DIP2C: variants seen among roughly 807,000 people sequenced by gnomAD.
DIP2C encodes the protein disco-interacting protein 2 homolog C.
A neutral mutation model predicts 192.4 loss-of-function variants in DIP2C; 33 were observed. The ratio of observed to expected loss-of-function variants is 0.17; its 90% CI spans 0.13 to 0.23. The LOEUF (loss-of-function observed/expected upper bound fraction) is 0.23, where lower values mean the gene tolerates loss of function less well. Ranked by LOEUF, DIP2C falls within the 10% of genes least tolerant of loss-of-function variation. The pLI is 1.00. For missense variants in DIP2C, 1,537 were observed against 2,110.1 expected, an observed-to-expected ratio of 0.73 and a Z score of 5.32; for synonymous variants, 979 against 864.1, an observed-to-expected ratio of 1.13 and a Z score of -2.33.
At chr10:444,617 TGAG>T (rs1968010832) in intron 3 of DIP2C, among the ~76,000 whole-genome samples, 1 of 152,150 alleles carries the variant, frequency 6.6e-6, no homozygotes, top group African/African-American at 2.4e-5. Flanking sequence ...TGTTCATTCA[TGAG>T]GAGTGTTCCT....
At chr10:444,868 T>C (rs1003939787) in intron 3 of DIP2C, among the ~76,000 whole-genome samples, 1 of 152,284 alleles carries the variant, frequency 6.6e-6, no homozygotes, top group African/African-American at 2.4e-5. Flanking sequence ...TTTTTGGCTA[T>C]GAGAATTTAC....
chr10:396,543 AATC>A (rs1281535453), intron 10 of DIP2C, among the ~76,000 whole-genome samples: 2 of 152,200 alleles, frequency 1.3e-5, no homozygotes, highest in Admixed American at 6.5e-5. Flanking sequence ...AGTTCCTGCA[AATC>A]ATCATTTCAC....
chr10:531,186 CACTG>C (rs2130859391), intron 1 of DIP2C, among the ~76,000 whole-genome samples: 1 of 152,252 alleles, frequency 6.6e-6, no homozygotes, highest in East Asian at 1.9e-4. Context: ...CAGGTTAACT[CACTG>C]CGTGTGTGCT....
intron 31 of DIP2C, among the ~76,000 whole-genome samples, chr10:320,008 G>A (rs1405420565): frequency 2.0e-5 from 3 of 152,178 alleles, no homozygotes; most frequent in Admixed American, 6.5e-5. Context: ...GCAAGCCCCA[G>A]ACTTCCTATT....
chr10:352,540 C>G (rs534633214), intron 24 of DIP2C, among the ~76,000 whole-genome samples: 2 of 152,218 alleles, frequency 1.3e-5, no homozygotes, highest in Non-Finnish European at 2.9e-5. Flanking sequence ...TGAGATAGTG[C>G]TGTGCTGGAG....
At chr10:606,647 GC>G (rs1474808179) in intron 1 of DIP2C, among the ~76,000 whole-genome samples, 5 of 152,222 alleles carry the variant, frequency 3.3e-5, no homozygotes, top group African/African-American at 9.6e-5. Context: ...TGGCCCCACT[GC>G]TGTAATTACG....
chr10:514,527 G>A (rs1197940849), intron 1 of DIP2C, among the ~76,000 whole-genome samples: 2 of 152,172 alleles, frequency 1.3e-5, no homozygotes, highest in Non-Finnish European at 2.9e-5. Context: ...GGCTGTCTGT[G>A]GGCCTCACCG....
chr10:547,419 T>C (rs140204494), intron 1 of DIP2C, among the ~76,000 whole-genome samples: 378 of 151,898 alleles, frequency 2.5e-3, no homozygotes, highest in Non-Finnish European at 3.7e-3. Flanking sequence ...ACCCAGCAAA[T>C]ACTCAGGGCT....
chr10:278,073 G>A (rs935115236), intron 36 of DIP2C, among the ~76,000 whole-genome samples: 1 of 151,312 alleles, frequency 6.6e-6, no homozygotes, highest in African/African-American at 2.4e-5. Flanking sequence ...CGGTGGCCCC[G>A]AGTCCAGCTC....
Position 689,404 on chromosome 10 carries a change from C to G in DIP2C, c.85+90G>C. 2 of 786,258 alleles carry G rather than the reference C, an allele frequency of 2.5e-6. No homozygotes were observed. Among genetic ancestry groups the G allele is most frequent in the Non-Finnish European group, 3.1e-6 (2 of 644,790 alleles). 48.7% of individuals were successfully genotyped at this position (786,258 alleles called of 1,614,324 possible). A position where few individuals can be genotyped will look rare whatever the true frequency, so the allele number is the denominator to read the frequency against. On this transcript the variant is annotated intron_variant, in intron 1 of 36. Transcript: ENST00000280886. This position sits in a 1 kb window ranked among gnomAD's most constrained non-coding sequence, Gnocchi z 6.1. ...CACCTCCCCCTCCGGGCCCGGCCCC[C>G]GCCCCGCCGCAGGCCCCGCGCCCCC...
chr10:307,062 C>A (rs1956357628), intron 32 of DIP2C, among the ~76,000 whole-genome samples: 1 of 151,986 alleles, frequency 6.6e-6, no homozygotes, highest in Non-Finnish European at 1.5e-5. Flanking sequence ...CTCCTCCCAC[C>A]ACGTGATCTC....
chr10:613,639 G>A (rs1853244538), intron 1 of DIP2C, among the ~76,000 whole-genome samples: 1 of 152,208 alleles, frequency 6.6e-6, no homozygotes, highest in Admixed American at 6.5e-5. Context: ...GGTAATTAGA[G>A]CAATTGCAGA....
At chr10:330,813 T>TA (rs1491155523) in intron 29 of DIP2C, among the ~76,000 whole-genome samples, 17 of 716 alleles carry the variant, frequency 0.024, no homozygotes, top group Non-Finnish European at 0.014. Flanking sequence ...ACCTACACAA[T>TA]TTTTTTTTTT....
chr10:600,154 G>C (rs1223629779), intron 1 of DIP2C, among the ~76,000 whole-genome samples: 1 of 152,178 alleles, frequency 6.6e-6, no homozygotes, highest in African/African-American at 2.4e-5. Flanking sequence ...GAACTAGAAG[G>C]AATCGTGGAA....
In DIP2C at chr10:534,235, G is replaced by A. The variant is rs117392580; in HGVS notation, c.86-47705C>T. ...CCCACCCATGCTGGAGAATCACCCCGGGGACGTGCGAAACGGGGAGGTGCA... is the reference window on the plus strand; with the variant it reads ...CCCACCCATGCTGGAGAATCACCCCAGGGACGTGCGAAACGGGGAGGTGCA... On this transcript the variant is annotated intron_variant, in intron 1 of 36. Transcript: ENST00000280886. Among the ~76,000 whole-genome samples, 21 of 152,302 alleles carry A rather than the reference G, an allele frequency of 1.4e-4. No homozygotes were observed. In the East Asian group the frequency reaches 2.3e-3, roughly 17 times the overall value.
At chr10:374,889 G>A (rs1042634434) in intron 17 of DIP2C, among the ~76,000 whole-genome samples, 5 of 152,076 alleles carry the variant, frequency 3.3e-5, no homozygotes, top group African/African-American at 4.8e-5. Flanking sequence ...AAAGGTATCC[G>A]CCCATTCATC....
chr10:323,463 G>C lies in DIP2C; in HGVS notation c.3924+3543C>G, dbSNP rs564493141. Among the ~76,000 whole-genome samples, 9 of 55,776 alleles carry C rather than the reference G, an allele frequency of 1.6e-4. 3 individuals carry two copies. In the South Asian group the frequency reaches 5.1e-3, roughly 31 times the overall value. 36.6% of individuals were successfully genotyped at this position (55,776 alleles called of 152,430 possible). ...GGTGCGGGGCTCCAGCGAGAGACCA[G>C]CGTTGTTAGAACGCAGTCAGTCTGA... On this transcript the variant is annotated intron_variant, in intron 31 of 36. Transcript: ENST00000280886.
chr10:488,599 G>A (rs1258835415), intron 1 of DIP2C, among the ~76,000 whole-genome samples: 3 of 152,052 alleles, frequency 2.0e-5, no homozygotes, highest in East Asian at 1.9e-4. Context: ...GCATGTTCAC[G>A]CCCCGTACAT....
intron 3 of DIP2C, among the ~76,000 whole-genome samples, chr10:445,769 C>G (rs1474872694): frequency 8.6e-5 from 13 of 151,688 alleles, no homozygotes; most frequent in Non-Finnish European, 1.5e-5. Flanking sequence ...CACAGGACCA[C>G]TGGGCATCTC....
Sources: gnomAD v4.1 joint callset for allele counts (sites outside exome capture counted in the v4.1 genomes callset) on GRCh38, gnomAD v4.1.1 for gene constraint, Gnocchi (gnomAD v3.1) non-coding constraint, MANE v1.5 for transcripts, NCBI Gene and HGNC (gene_info 2026-07-23, HGNC 2026-07-21) for gene names.